The following MCCC2 variants were observed in gnomAD, a reference collection of about 807,000 sequenced individuals.
MCCC2 encodes the protein methylcrotonoyl-CoA carboxylase beta chain, mitochondrial.
MCCC2 carries 52 observed loss-of-function variants against 77.2 expected under a neutral mutation model. The observed-to-expected ratio is 0.67, with a 90% CI of 0.54 to 0.85. The LOEUF is 0.85. Among genes scored for constraint, MCCC2 ranks in the 40% least tolerant of loss-of-function variants. The pLI is 0.00. For missense variants in MCCC2, 682 were observed against 703.2 expected (o/e 0.97, Z 0.34); for synonymous variants, 253 against 248.4 (o/e 1.02, Z -0.18).
Position 71,633,297 on chromosome 5 carries a change from G to GT in MCCC2, c.803+1113dup, listed in dbSNP as rs796869166. 3.2e-4 allele frequency among the ~76,000 whole-genome samples: 48 copies of GT among 151,486 alleles called. 1 individual carries two copies. The highest frequency in any genetic ancestry group is 1.1e-3 in the African/African-American group (47 of 41,310). On this transcript the variant is annotated intron_variant, in intron 8 of 16. Coordinates refer to ENST00000340941, the MANE Select transcript of MCCC2 (RefSeq NM_022132.5). ...TAAGCAGTTTGACTATTTAAAAAAA[G>GT]TAAAGCTGTAGGCAATATATTATGT... is the stretch of plus-strand genomic sequence containing the variant.
At chr5:71,590,922 A>T (rs1744951240) in intron 1 of MCCC2, among the ~76,000 whole-genome samples, 1 of 152,094 alleles carries the variant, frequency 6.6e-6, no homozygotes. Flanking sequence ...TTGCCTGTGC[A>T]CTTGAGAAAA....
At chr5:71,607,454 G>T (rs1241571294) in intron 6 of MCCC2, among the ~76,000 whole-genome samples, 1 of 146,192 alleles carries the variant, frequency 6.8e-6, no homozygotes, top group Non-Finnish European at 1.5e-5. Flanking sequence ...GCGTCTATTT[G>T]ATTCTTCTCT....
chr5:71,616,046 C>T (rs1014262804), intron 6 of MCCC2, among the ~76,000 whole-genome samples: 1 of 152,168 alleles, frequency 6.6e-6, no homozygotes, highest in East Asian at 1.9e-4. Flanking sequence ...ATAAAAATCC[C>T]TAAATGGTGT....
At chr5:71,607,246 A>T (rs1239805120) in intron 6 of MCCC2, among the ~76,000 whole-genome samples, 26 of 151,900 alleles carry the variant, frequency 1.7e-4, no homozygotes, top group Non-Finnish European at 4.4e-5. Context: ...TATTGCCACA[A>T]TTTCAGCTCC....
chr5:71,649,216 G>A lies in MCCC2; in HGVS notation c.1336G>A (p.Gly446Arg). Reference sequence around the variant, plus strand: ...AACCCTCATCATTGGGGGCTCCTATGGAGCCGGAAACTATGGGATGTGTGG... The same window carrying A: ...AACCCTCATCATTGGGGGCTCCTATAGAGCCGGAAACTATGGGATGTGTGG... Reference protein sequence around the residue: ...KITLIIGGSYGAGNYGMCGRA... With the variant: ...KITLIIGGSYRAGNYGMCGRA... The change falls in exon 14 of 17, where the codon GGA becomes AGA. Residue 446 changes from glycine to arginine, a missense_variant. Gly to Arg is a moderately radical substitution (Grantham distance 125, BLOSUM62 -2). Transcript: ENST00000340941. 6.2e-7 allele frequency: 1 copy of A among 1,614,232 alleles called. No homozygotes were observed. Among genetic ancestry groups the A allele is most frequent in the East Asian group, 2.2e-5 (1 of 44,888 alleles).
intron 8 of MCCC2, among the ~76,000 whole-genome samples, chr5:71,633,119 A>ATTT (rs1188256414): frequency 4.5e-4 from 13 of 28,712 alleles, no homozygotes; most frequent in Non-Finnish European, 9.7e-4. Context: ...ATATATATAT[A>ATTT]TATATATATA....
Position 71,587,411 on chromosome 5 carries a change from T to A in MCCC2, c.-15T>A. On this transcript the variant is annotated 5_prime_UTR_variant, in exon 1 of 17. Transcript: ENST00000340941. ...AGGCCAGCGTGGGCCGCTCTCTCGC[T>A]CGGTGCCCGCCGCCATGTGGGCCGT... is the stretch of plus-strand genomic sequence containing the variant. 6.5e-7 allele frequency: 1 copy of A among 1,533,104 alleles called. No individual in the cohort carries two copies. Among genetic ancestry groups the A allele is most frequent in the South Asian group, 1.2e-5 (1 of 83,824 alleles). The allele number at this position is 1,533,104 out of a possible 1,614,324, so 95.0% of individuals were successfully genotyped here.
At chr5:71,611,630 C>T (rs1187573982) in intron 6 of MCCC2, among the ~76,000 whole-genome samples, 2 of 151,992 alleles carry the variant, frequency 1.3e-5, no homozygotes, top group African/African-American at 2.4e-5. Context: ...TTAAATACAT[C>T]GAATCCTACT....
rs555848378 is a variant in MCCC2 at position 71,593,562 on chromosome 5, AT to A, written c.196+580del. The stretch of plus-strand genomic sequence containing the variant: ...AATAATTTATTTTTAATTTTTATTA[AT>A]TTTTTTTTTAAGAGATGGGTTCTTG... On this transcript the variant is annotated intron_variant, in intron 2 of 16. Coordinates refer to ENST00000340941, the MANE Select transcript of MCCC2 (RefSeq NM_022132.5). Among the ~76,000 whole-genome samples the A allele has an allele frequency of 5.7e-3, 851 of 148,968 alleles. 5 individuals are homozygous for A. The highest frequency in any genetic ancestry group is 0.011 in the African/African-American group (443 of 40,676).
intron 6 of MCCC2, among the ~76,000 whole-genome samples, chr5:71,608,917 A>G (rs947348926): frequency 6.6e-6 from 1 of 152,050 alleles, no homozygotes; most frequent in Admixed American, 6.5e-5. Context: ...TCTGGCTTGT[A>G]GGTTTCTGCC....
At chr5:71,634,892 A>T in intron 8 of MCCC2, 51 bp from the exon 9 acceptor site, 1 of 1,503,210 alleles carries the variant, frequency 6.7e-7, no homozygotes, top group Non-Finnish European at 9.2e-7. Context: ...TGAGATATTT[A>T]ATTATTTTCC....
chr5:71,655,099 A>G (rs900176963), intron 16 of MCCC2, among the ~76,000 whole-genome samples: 8 of 152,066 alleles, frequency 5.3e-5, no homozygotes, highest in African/African-American at 1.7e-4. Flanking sequence ...TTCCCAAAGT[A>G]CTGGGATTAC....
intron 6 of MCCC2, among the ~76,000 whole-genome samples, chr5:71,608,618 TATG>T (rs1312270994): frequency 6.6e-6 from 1 of 152,148 alleles, no homozygotes; most frequent in Non-Finnish European, 1.5e-5. Context: ...ATCCTGTCAT[TATG>T]ATGTTAGCTG....
chr5:71,649,387 A>G (rs1469521119), intron 14 of MCCC2, 134 bp downstream of exon 14: 1 of 879,220 alleles, frequency 1.1e-6, no homozygotes, highest in East Asian at 2.6e-5. Flanking sequence ...AATTTGTATC[A>G]TTTGGAGGGG....
intron 11 of MCCC2, 151 bp from the exon 12 acceptor site, chr5:71,643,668 G>A: frequency 6.8e-7 from 1 of 1,476,954 alleles, no homozygotes; most frequent in Non-Finnish European, 9.3e-7. Flanking sequence ...CAAGAAGATT[G>A]TGACATGAGC....
Position 71,602,501 on chromosome 5 carries a change from T to G in MCCC2, c.384-5T>G. ...TCTCTCTCCAATGAAATTTCTGCCTTTCAGAGTAGAATGCATGATTATTGC... is the reference window on the plus strand; with the variant it reads ...TCTCTCTCCAATGAAATTTCTGCCTGTCAGAGTAGAATGCATGATTATTGC... On this transcript the variant is annotated splice_region_variant and splice_polypyrimidine_tract_variant and intron_variant, in intron 4 of 16. Coordinates refer to ENST00000340941, the MANE Select transcript of MCCC2 (RefSeq NM_022132.5). The G allele has an allele frequency of 1.2e-6, 2 of 1,614,160 alleles. No individual in the cohort carries two copies. Among genetic ancestry groups the G allele is most frequent in the Non-Finnish European group, 1.7e-6 (2 of 1,180,024 alleles).
In MCCC2 at chr5:71,601,066, G is replaced by A. The variant is rs557873306; in HGVS notation, c.383+1306G>A. 5.8e-4 allele frequency among the ~76,000 whole-genome samples: 89 copies of A among 152,208 alleles called. 1 individual carries two copies. The highest frequency in any genetic ancestry group is 7.5e-4 in the Non-Finnish European group (51 of 68,036). On this transcript the variant is annotated intron_variant, in intron 4 of 16. Transcript: ENST00000340941. Reference sequence around the variant, plus strand: ...CTTGAGCCACCTGGATTAAAGATAAGAGGCAGTTTCTGAAAGAAGGTTTAG... The same window carrying A: ...CTTGAGCCACCTGGATTAAAGATAAAAGGCAGTTTCTGAAAGAAGGTTTAG...
intron 1 of MCCC2, among the ~76,000 whole-genome samples, chr5:71,589,363 T>G (rs1436118859): frequency 6.6e-6 from 1 of 152,256 alleles, no homozygotes; most frequent in African/African-American, 2.4e-5. Context: ...GTTTTGTTTC[T>G]TAATCTCTCA....
chr5:71,636,972 GACCTT>G (rs1475031181), intron 10 of MCCC2, among the ~76,000 whole-genome samples: 1 of 151,810 alleles, frequency 6.6e-6, no homozygotes, highest in African/African-American at 2.4e-5. Flanking sequence ...TCGAACTCCT[GACCTT>G]AGGTGATCCG....
Sources: allele counts gnomAD v4.1 joint callset (sites outside exome capture counted in the v4.1 genomes callset), GRCh38; gene constraint gnomAD v4.1.1; transcripts MANE v1.5; gene names NCBI Gene and HGNC (gene_info 2026-07-23, HGNC 2026-07-21).